Variants in CYP2E1 observed in about 807,000 individuals in gnomAD.
The protein encoded by CYP2E1 is cytochrome P450 family 2 subfamily E member 1, also known as cytochrome P450 2E1.
A neutral mutation model predicts 42.9 loss-of-function variants in CYP2E1; 31 were observed. The ratio of observed to expected loss-of-function variants is 0.72; its 90% CI spans 0.54 to 0.98. The LOEUF (loss-of-function observed/expected upper bound fraction) is 0.98, where lower values mean the gene tolerates loss of function less well. Among genes scored for constraint, CYP2E1 ranks in the 50% least tolerant of loss-of-function variants. The pLI is 0.00. For missense variants in CYP2E1, 565 were observed against 633.2 expected (o/e 0.89, Z 1.16); for synonymous variants, 244 against 248.9 (o/e 0.98, Z 0.19).
At chr10:133,536,920 A>C in intron 6 of CYP2E1, 143 bp from the exon 7 acceptor site, 1 of 642,784 alleles carries the variant, frequency 1.6e-6, no homozygotes, top group Non-Finnish European at 2.7e-6. Context: ...GGATGGATGG[A>C]GGGGTGTATA....
intron 1 of CYP2E1, chr10:133,527,960 G>T (rs1410508679): frequency 1.2e-5 from 3 of 244,622 alleles, no homozygotes; most frequent in Non-Finnish European, 2.4e-5. Context: ...AATACCTGCC[G>T]CCTACGACTG....
At chr10:133,538,694 C>A in intron 8 of CYP2E1, 86 bp from the exon 9 acceptor site, 1 of 1,243,370 alleles carries the variant, frequency 8.0e-7, no homozygotes, top group Non-Finnish European at 1.2e-6. Context: ...CAGCCTCCTC[C>A]TCCCCGCTTC....
intron 8 of CYP2E1, among the ~76,000 whole-genome samples, chr10:133,538,118 ATT>A (rs8192778): frequency 6.6e-6 from 1 of 150,506 alleles, no homozygotes; most frequent in Admixed American, 6.6e-5. Context: ...TTGTAGGTGG[ATT>A]TTTTTTTTCC....
chr10:133,538,805 C>T lies in CYP2E1; in HGVS notation c.1323C>T (p.Gly441=), dbSNP rs1374532233. 1.9e-6 allele frequency: 3 copies of T among 1,614,040 alleles called. No homozygotes were observed. In the African/African-American group the frequency reaches 4.0e-5, roughly 22 times the overall value. The stretch of plus-strand genomic sequence containing the variant: ...GAAAACGAGTGTGTGCTGGAGAAGG[C>T]CTGGCTCGCATGGAGTTGTTTCTTT... ...STGKRVCAGE[G]LARMELFLLL... The change falls in exon 9 of 9, where the codon GGC becomes GGT. Residue 441 remains glycine, a synonymous_variant. Transcript: ENST00000252945.
chr10:133,529,119 TG>T (rs1044500975), intron 2 of CYP2E1, among the ~76,000 whole-genome samples: 12 of 152,322 alleles, frequency 7.9e-5, no homozygotes, highest in African/African-American at 2.9e-4. Flanking sequence ...GATGTCCCGC[TG>T]GGGTGGATGT....
chr10:133,531,956 T>C (rs892736151), intron 3 of CYP2E1, 168 bp from the exon 4 acceptor site: 1 of 780,602 alleles, frequency 1.3e-6, no homozygotes, highest in East Asian at 2.7e-5. Context: ...TAAATACTGT[T>C]GAAAAGCAAA....
chr10:133,528,622 CA>C lies in CYP2E1; in HGVS notation c.320del (p.His107LeufsTer24). The stretch of plus-strand genomic sequence containing the variant: ...GGGCAGAGGCGACCTCCCCGCGTTC[CA>C]TGCGCACAGGGACAGGGGTGAGTCC... ...FSGRGDLPAF[H>X]AHRDRGIIFN... On this transcript the variant is annotated frameshift_variant, in exon 2 of 9. Coordinates refer to ENST00000252945, the MANE Select transcript of CYP2E1 (RefSeq NM_000773.4). LOFTEE classifies it high-confidence loss of function. The C allele has an allele frequency of 6.2e-7, 1 of 1,613,274 alleles. No individual in the cohort carries two copies. Among genetic ancestry groups the C allele is most frequent in the Non-Finnish European group, 8.5e-7 (1 of 1,179,974 alleles).
chr10:133,534,147 C>A (rs1405939831), intron 6 of CYP2E1, among the ~76,000 whole-genome samples: 1 of 152,146 alleles, frequency 6.6e-6, no homozygotes, highest in African/African-American at 2.4e-5. Flanking sequence ...CATCCCAACA[C>A]CAGAGTGGAG....
chr10:133,530,498 G>GC lies in CYP2E1; in HGVS notation c.338-1084dup, dbSNP rs1238841538. On this transcript the variant is annotated intron_variant, in intron 2 of 8. Transcript: ENST00000252945. ...CTGCCCCACCCACCTCATCTCATGTGCCCTCCCGCCCCTCTCAGGCCGGAC... is the reference window on the plus strand; with the variant it reads ...CTGCCCCACCCACCTCATCTCATGTGCCCCTCCCGCCCCTCTCAGGCCGGAC... Among the ~76,000 whole-genome samples, 381 of 152,108 alleles carry GC rather than the reference G, an allele frequency of 2.5e-3. 3 individuals are homozygous for GC. Among genetic ancestry groups the GC allele is most frequent in the African/African-American group, 8.6e-3 (358 of 41,460 alleles).
At chr10:133,533,181 T>C (rs918328648) in intron 5 of CYP2E1, among the ~76,000 whole-genome samples, 1 of 152,188 alleles carries the variant, frequency 6.6e-6, no homozygotes, top group Non-Finnish European at 1.5e-5. Context: ...TCAGCCTTCC[T>C]TGTGGGCATG....
chr10:133,530,394 C>T (rs1230223002), intron 2 of CYP2E1, among the ~76,000 whole-genome samples: 1 of 152,138 alleles, frequency 6.6e-6, no homozygotes, highest in Non-Finnish European at 1.5e-5. Context: ...ACCACGTCTG[C>T]CCCTCTGTCC....
intron 2 of CYP2E1, among the ~76,000 whole-genome samples, chr10:133,529,319 A>G (rs905556519): frequency 1.3e-5 from 2 of 152,116 alleles, no homozygotes; most frequent in African/African-American, 4.8e-5. Context: ...GCATTCTCCC[A>G]GCCTCCTGGC....
At chr10:133,532,491 C>T (rs537515736) in intron 4 of CYP2E1, among the ~76,000 whole-genome samples, 9 of 152,068 alleles carry the variant, frequency 5.9e-5, no homozygotes, top group Non-Finnish European at 1.2e-4. Context: ...GGATGTGTAT[C>T]GACCTGTGTG....
intron 6 of CYP2E1, among the ~76,000 whole-genome samples, chr10:133,534,369 C>CTTG (rs1554902929): frequency 2.2e-4 from 1 of 4,650 alleles, no homozygotes; most frequent in Non-Finnish European, 6.3e-3. Flanking sequence ...GCCCTGGACC[C>CTTG]TTGTTCCTTC....
chr10:133,537,392 C>A (rs1589957105), intron 7 of CYP2E1, 142 bp downstream of exon 7: 3 of 765,272 alleles, frequency 3.9e-6, no homozygotes, highest in Non-Finnish European at 6.3e-6. Flanking sequence ...CACTCCCACC[C>A]TGTGGGATAC....
At chr10:133,528,147 A>C in intron 1 of CYP2E1, 1 of 270,722 alleles carries the variant, frequency 3.7e-6, no homozygotes. Flanking sequence ...CGGGTCCAGA[A>C]CCTTGATTCC....
Position 133,539,034 on chromosome 10 carries a change from C to A in CYP2E1, c.*70C>A. 1 of 1,256,262 alleles carries A rather than the reference C, an allele frequency of 8.0e-7. No homozygotes were observed. Among genetic ancestry groups the A allele is most frequent in the East Asian group, 2.4e-5 (1 of 41,146 alleles). 77.8% of individuals were successfully genotyped at this position (1,256,262 alleles called of 1,614,324 possible). ...CAAATTGTTTGAGGTCAGGATTTCT[C>A]AAACTGATTCCTTTCTTTGCATATG... On this transcript the variant is annotated 3_prime_UTR_variant, in exon 9 of 9. Coordinates refer to ENST00000252945, the MANE Select transcript of CYP2E1 (RefSeq NM_000773.4).
intron 3 of CYP2E1, 180 bp downstream of exon 3, chr10:133,531,914 A>G: frequency 1.3e-6 from 1 of 772,932 alleles, no homozygotes; most frequent in South Asian, 1.9e-5. Context: ...TTCAGGGAGC[A>G]AGGGTGGCCA....
chr10:133,534,170 G>A (rs1851371627), intron 6 of CYP2E1, among the ~76,000 whole-genome samples: 3 of 152,178 alleles, frequency 2.0e-5, no homozygotes, highest in Admixed American at 6.5e-5. Context: ...AGGTGGCAGG[G>A]TCTGCATTCT....
Sources: allele counts gnomAD v4.1 joint callset (sites outside exome capture counted in the v4.1 genomes callset), GRCh38; gene constraint gnomAD v4.1.1; transcripts MANE v1.5; gene names NCBI Gene and HGNC (gene_info 2026-07-23, HGNC 2026-07-21).